Variants in KIDINS220 observed in about 807,000 individuals in gnomAD.
KIDINS220 encodes kinase D interacting substrate 220.
A neutral mutation model predicts 157.6 loss-of-function variants in KIDINS220; 63 were observed. The observed-to-expected ratio is 0.40, with a 90% CI of 0.33 to 0.49. The LOEUF (loss-of-function observed/expected upper bound fraction) is 0.49, where lower values mean the gene tolerates loss of function less well. KIDINS220 is among the 20% of genes least tolerant of loss of function. KIDINS220 has a pLI of 0.66. For synonymous variants in KIDINS220, 732 were observed against 783.6 expected (o/e 0.93, Z 1.10); for missense variants, 1,772 against 2,171.2 (o/e 0.82, Z 3.65).
intron 7 of KIDINS220, among the ~76,000 whole-genome samples, chr2:8,803,897 T>C (rs890837985): frequency 6.6e-6 from 1 of 152,158 alleles, no homozygotes; most frequent in African/African-American, 2.4e-5. Context: ...CTACCAGAAG[T>C]AGTATTAAAA....
chr2:8,832,685 T>C (rs1262978956), intron 1 of KIDINS220, among the ~76,000 whole-genome samples: 1 of 152,088 alleles, frequency 6.6e-6, no homozygotes, highest in East Asian at 1.9e-4. Context: ...TCATTTTCAA[T>C]AGAAAAAAAA....
chr2:8,786,702 G>A (rs1368470672), intron 15 of KIDINS220, among the ~76,000 whole-genome samples: 2 of 152,122 alleles, frequency 1.3e-5, no homozygotes, highest in Non-Finnish European at 2.9e-5. Context: ...GGTGACACAC[G>A]TGTCATGATG....
intron 26 of KIDINS220, among the ~76,000 whole-genome samples, chr2:8,743,398 GGCAGTAGTA>G (rs1404975991): frequency 6.6e-6 from 1 of 152,070 alleles, no homozygotes; most frequent in African/African-American, 2.4e-5. Context: ...CTGGCCTTTG[GGCAGTAGTA>G]GCAGTAGTAA....
intron 6 of KIDINS220, among the ~76,000 whole-genome samples, chr2:8,809,115 G>A (rs1234924124): frequency 6.6e-6 from 1 of 152,070 alleles, no homozygotes; most frequent in African/African-American, 2.4e-5. Flanking sequence ...ACACCTCCTG[G>A]GCTCAAGTGA....
rs1674020023 is a variant in KIDINS220 at position 8,796,876 on chromosome 2, G to A, written c.1000-7C>T. On this transcript the variant is annotated splice_polypyrimidine_tract_variant and splice_region_variant and intron_variant, in intron 10 of 29. Transcript: ENST00000256707. ...TAAGTGGCGTTTCACCATCCTGTGG[G>A]CACAAATAAGAACATTTGCCAGATT... The A allele has an allele frequency of 1.9e-6, 3 of 1,605,190 alleles. No homozygotes were observed. The highest frequency in any genetic ancestry group is 2.6e-6 in the Non-Finnish European group (3 of 1,172,008).
intron 8 of KIDINS220, among the ~76,000 whole-genome samples, chr2:8,801,328 A>G (rs13017786): frequency 0.21 from 32,610 of 152,128 alleles, 4,337 homozygotes; most frequent in Middle Eastern, 0.32. Flanking sequence ...GCAGGTCCTT[A>G]AGGGTTATTA....
intron 27 of KIDINS220, among the ~76,000 whole-genome samples, chr2:8,735,799 C>T (rs182070724): frequency 4.3e-4 from 65 of 152,278 alleles, no homozygotes; most frequent in African/African-American, 1.5e-3. Context: ...AACAATGCCG[C>T]GGAGCCCTAA....
chr2:8,740,430 T>C (rs913915721), intron 26 of KIDINS220, among the ~76,000 whole-genome samples: 1 of 152,116 alleles, frequency 6.6e-6, no homozygotes, highest in Admixed American at 6.6e-5. Context: ...CTAAAAAAAA[T>C]TATATTTTTT....
In KIDINS220 at chr2:8,817,727, T is replaced by C. The variant is rs1022626920; in HGVS notation, c.208-11A>G. 8.3e-6 allele frequency: 13 copies of C among 1,564,424 alleles called. No individual in the cohort carries two copies. The highest frequency in any genetic ancestry group is 9.6e-6 in the Non-Finnish European group (11 of 1,149,814). On this transcript the variant is annotated splice_polypyrimidine_tract_variant and intron_variant, in intron 3 of 29. Transcript: ENST00000256707. ...TGCTGTCCAATTATCCTTGAACATA[T>C]ATTTTAAAAGTTATCATTTTCAAAC...
Position 8,790,037 on chromosome 2 carries a change from T to C in KIDINS220, c.1464A>G (p.Gly488=). 1.3e-6 allele frequency: 2 copies of C among 1,596,120 alleles called. No individual in the cohort carries two copies. The highest frequency in any genetic ancestry group is 8.5e-7 in the Non-Finnish European group (1 of 1,175,796). The part of the protein sequence containing the change: ...KLEDEMKTFA[G]QQIEPLFQFS... ...ACTGAAAGAGAGGCTCAATCTGTTG[T>C]CCGGCGAAGGTTTTCATTTCGTCTG... is the stretch of plus-strand genomic sequence containing the variant. The change falls in exon 14 of 30, where the codon GGA becomes GGG. Residue 488 remains glycine (G), a synonymous_variant. Coordinates refer to ENST00000256707, the MANE Select transcript of KIDINS220 (RefSeq NM_020738.4).
At position 8,781,952 on chromosome 2, in the gene KIDINS220, T is replaced by C. The variant is rs535294132; in HGVS notation, c.2230-2138A>G. 2.6e-5 allele frequency among the ~76,000 whole-genome samples: 4 copies of C among 151,958 alleles called. No homozygotes were observed. The East Asian group carries it at 7.8e-4, about 29-fold the overall frequency. On this transcript the variant is annotated intron_variant, in intron 17 of 29. Transcript: ENST00000256707. ...GTGTGGGGAACATGGTGAAACCCTA[T>C]ATCTACAAAAATTAGCCAGGTGTGG...
intron 4 of KIDINS220, among the ~76,000 whole-genome samples, chr2:8,813,890 C>T (rs940293898): frequency 1.3e-5 from 2 of 152,062 alleles, no homozygotes; most frequent in Admixed American, 1.3e-4. Context: ...CGCCACTGCA[C>T]TCCAGCACAG....
At chr2:8,826,199 T>C (rs1332611218) in intron 2 of KIDINS220, among the ~76,000 whole-genome samples, 1 of 152,252 alleles carries the variant, frequency 6.6e-6, no homozygotes, top group East Asian at 1.9e-4. Flanking sequence ...TGTTTATTAG[T>C]GTGTTACTAA....
chr2:8,727,923 T>C (rs1663507047), downstream of KIDINS220, among the ~76,000 whole-genome samples: 1 of 152,246 alleles, frequency 6.6e-6, no homozygotes, highest in African/African-American at 2.4e-5. Context: ...ATTTCCAGTC[T>C]TCTCCTGCAG....
At chr2:8,784,155 C>T (rs1448684267) in intron 17 of KIDINS220, among the ~76,000 whole-genome samples, 4 of 149,784 alleles carry the variant, frequency 2.7e-5, no homozygotes, top group South Asian at 2.1e-4. Context: ...CAAGAAATAG[C>T]GTTTTTAACA....
At chr2:8,831,565 C>T (rs996108636) in intron 1 of KIDINS220, among the ~76,000 whole-genome samples, 2 of 152,180 alleles carry the variant, frequency 1.3e-5, no homozygotes, top group Non-Finnish European at 2.9e-5. Flanking sequence ...CTGGGCCAGG[C>T]CCTGGGCTCC....
At position 8,750,182 on chromosome 2, in the gene KIDINS220, A is replaced by C. The variant is rs369550617; in HGVS notation, c.3344T>G (p.Val1115Gly). 2.5e-6 allele frequency: 4 copies of C among 1,613,772 alleles called. No individual in the cohort carries two copies. The highest frequency in any genetic ancestry group is 2.5e-6 in the Non-Finnish European group (3 of 1,179,970). ...GCTGCTGTGAGGCTGTGGTGACACC[A>C]CTCCACCTGCGAAGGGCCCATTGAA... ...TSFNGPFAGG[V>G]VSPQPHSSYY... The change falls in exon 24 of 30, where the codon GTG becomes GGG. Residue 1115 changes from valine (V) to glycine (G), a missense_variant. By Grantham distance (109) the Val-to-Gly change is moderately radical. This residue lies in a region of KIDINS220 where 793 missense variants were observed against 885.5 expected (regional missense o/e 0.90). Transcript: ENST00000256707.
At chr2:8,734,269 T>C (rs1032994769) in intron 28 of KIDINS220, among the ~76,000 whole-genome samples, 3 of 152,122 alleles carry the variant, frequency 2.0e-5, no homozygotes, top group African/African-American at 7.2e-5. Context: ...ATCACACATG[T>C]AAACTGACTT....
chr2:8,751,076 C>T (rs879835185), intron 23 of KIDINS220, among the ~76,000 whole-genome samples: 5 of 151,924 alleles, frequency 3.3e-5, no homozygotes, highest in African/African-American at 4.8e-5. Context: ...GGATAGAGAT[C>T]CCTGTTAAGA....
Sources: allele counts gnomAD v4.1 joint callset (sites outside exome capture counted in the v4.1 genomes callset), GRCh38; gene constraint gnomAD v4.1.1; regional missense constraint gnomAD v4.1.1; transcripts MANE v1.5; gene names NCBI Gene and HGNC (gene_info 2026-07-23, HGNC 2026-07-21).